LRP2: variants seen among roughly 807,000 people sequenced by gnomAD.
LRP2 encodes LDL receptor related protein 2.
In LRP2, 172 loss-of-function variants were observed where a neutral mutation model predicts 531.0. The observed-to-expected ratio is 0.32, with a 90% CI of 0.29 to 0.37. The LOEUF (loss-of-function observed/expected upper bound fraction) is 0.37, where lower values mean the gene tolerates loss of function less well. LRP2 is among the 10% of genes least tolerant of loss of function. The pLI, the probability that LRP2 is intolerant of heterozygous loss-of-function variation, is 1.00. For missense variants in LRP2, 5,167 were observed against 5,868.3 expected (o/e 0.88, Z 3.90); for synonymous variants, 1,992 against 2,027.6 (o/e 0.98, Z 0.47).
chr2:169,241,462 G>T, intron 24 of LRP2, 97 bp from the exon 25 acceptor site: 1 of 1,337,434 alleles, frequency 7.5e-7, no homozygotes, highest in Non-Finnish European at 1.1e-6. Flanking sequence ...TCCAATAGTA[G>T]GTTTATAGTA....
chr2:169,151,840 T>C (rs891963727), intron 67 of LRP2, among the ~76,000 whole-genome samples: 1 of 152,214 alleles, frequency 6.6e-6, no homozygotes, highest in Non-Finnish European at 1.5e-5. Flanking sequence ...GTTTCTTGAC[T>C]GAAAATGCTA....
chr2:169,279,282 G>A, intron 12 of LRP2, 90 bp downstream of exon 12: 1 of 947,062 alleles, frequency 1.1e-6, no homozygotes, highest in Middle Eastern at 2.1e-4. Flanking sequence ...ATCAGAATGA[G>A]CCTTTGATTA....
intron 8 of LRP2, among the ~76,000 whole-genome samples, chr2:169,289,570 A>G (rs967826507): frequency 6.6e-6 from 1 of 151,830 alleles, no homozygotes; most frequent in African/African-American, 2.4e-5. Flanking sequence ...TGGAAACAAA[A>G]GAAAAGAAAA....
At chr2:169,222,796 C>T (rs780550482) in intron 33 of LRP2, among the ~76,000 whole-genome samples, 74 of 152,320 alleles carry the variant, frequency 4.9e-4, no homozygotes, top group Non-Finnish European at 8.1e-4. Flanking sequence ...CACATATTCT[C>T]AGGCCACTGC....
intron 33 of LRP2, among the ~76,000 whole-genome samples, chr2:169,220,801 C>A (rs184383538): frequency 1.4e-4 from 21 of 152,214 alleles, no homozygotes; most frequent in Admixed American, 1.4e-3. Flanking sequence ...TTCCAACTCA[C>A]CTAAAATTTC....
At chr2:169,262,264 G>A (rs1179062614) in intron 16 of LRP2, among the ~76,000 whole-genome samples, 3 of 142,226 alleles carry the variant, frequency 2.1e-5, no homozygotes, top group South Asian at 5.0e-4. Context: ...GCAGGAGAAG[G>A]AAATAAAGGG....
intron 4 of LRP2, among the ~76,000 whole-genome samples, chr2:169,304,990 C>T (rs830970): frequency 0.2 from 31,033 of 152,058 alleles, 3,290 homozygotes; most frequent in African/African-American, 0.24. Flanking sequence ...CACATGTTCT[C>T]ACTCATAAGT....
intron 3 of LRP2, among the ~76,000 whole-genome samples, chr2:169,310,724 T>A (rs1023870351): frequency 2.6e-5 from 4 of 152,224 alleles, no homozygotes; most frequent in Non-Finnish European, 4.4e-5. Context: ...ATAAAATGAA[T>A]TAGGGAGGAT....
At position 169,175,236 on chromosome 2, in the gene LRP2, G is replaced by A. The variant is rs768383601; in HGVS notation, c.10725C>T (p.His3575=). 2.5e-6 allele frequency: 4 copies of A among 1,614,168 alleles called. No homozygotes were observed. Among genetic ancestry groups the A allele is most frequent in the South Asian group, 2.2e-5 (2 of 91,080 alleles). Residue 3575 remains histidine (H), a synonymous_variant, in exon 55 of 79, where the codon CAC becomes CAT. Coordinates refer to ENST00000649046, the MANE Select transcript of LRP2 (RefSeq NM_004525.3). ...CATCAGACCCATCAGGGCAATTTTG[G>A]TGAGCATTGCATAAAGTCTGCGGGC... ...CTSPQTLCNA[H]QNCPDGSDED...
At position 169,212,177 on chromosome 2, in the gene LRP2, T is replaced by C; in HGVS notation, c.6071A>G (p.Asn2024Ser). The change falls in exon 37 of 79, where the codon AAC becomes AGC. Residue 2024 changes from asparagine to serine, a missense_variant. Coordinates refer to ENST00000649046, the MANE Select transcript of LRP2 (RefSeq NM_004525.3). Reference sequence around the variant, plus strand: ...AATCTGCTGACAGGCATTCATGTTGTTGCTACAGCCATTTGAGGATTCGGC... The same window carrying C: ...AATCTGCTGACAGGCATTCATGTTGCTGCTACAGCCATTTGAGGATTCGGC... ...NAAESSNGCS[N>S]NMNACQQICL... 1 of 1,614,076 alleles carries C rather than the reference T, an allele frequency of 6.2e-7. No homozygotes were observed. Among genetic ancestry groups the C allele is most frequent in the South Asian group, 1.1e-5 (1 of 91,080 alleles).
chr2:169,168,017 A>AT (rs1296006869), intron 61 of LRP2, among the ~76,000 whole-genome samples: 11 of 89,620 alleles, frequency 1.2e-4, no homozygotes, highest in African/African-American at 4.2e-4. Context: ...GCAGGGTTTA[A>AT]AATATATATA....
chr2:169,247,472 T>A lies in LRP2; in HGVS notation c.2814A>T (p.Arg938=). The A allele has an allele frequency of 6.2e-7, 1 of 1,614,192 alleles. No homozygotes were observed. The highest frequency in any genetic ancestry group is 8.5e-7 in the Non-Finnish European group (1 of 1,180,032). The part of the protein sequence containing the change: ...FTDWRLGAII[R]VRKADGGEMT... ...TTTCTCCACCATCTGCTTTCCTGAC[T>A]CGAATAATGGCACCCAGTCTCCAGT... is the stretch of plus-strand genomic sequence containing the variant. The change falls in exon 20 of 79, where the codon CGA becomes CGT. Residue 938 remains arginine (R), a synonymous_variant. Transcript: ENST00000649046.
At chr2:169,265,204 C>T (rs920081150) in intron 16 of LRP2, among the ~76,000 whole-genome samples, 1 of 151,990 alleles carries the variant, frequency 6.6e-6, no homozygotes, top group Non-Finnish European at 1.5e-5. Flanking sequence ...ACCATCTCCC[C>T]ACATCTTCCC....
chr2:169,244,826 G>C lies in LRP2; in HGVS notation c.3297C>G (p.His1099Gln). Residue 1099 changes from histidine to glutamine, a missense_variant, in exon 22 of 79, where the codon CAC (histidine) becomes CAG (glutamine). Around this residue, in one of 6 missense-constraint regions of LRP2, gnomAD observed 2,811 missense variants for 3,058.0 expected, o/e 0.92. Transcript: ENST00000649046. Reference sequence around the variant, plus strand: ...AAGCAGGTGCGTGGGTGGGGCAGTTGTGCTCATCACTGCCATCCACACAGT... The same window carrying C: ...AAGCAGGTGCGTGGGTGGGGCAGTTCTGCTCATCACTGCCATCCACACAGT... ...RNDCVDGSDE[H>Q]NCPTHAPASC... 6.2e-7 allele frequency: 1 copy of C among 1,614,242 alleles called. No individual in the cohort carries two copies. The highest frequency in any genetic ancestry group is 8.5e-7 in the Non-Finnish European group (1 of 1,180,040).
chr2:169,270,904 C>A lies in LRP2; in HGVS notation c.2320G>T (p.Gly774Ter), dbSNP rs1683395692. ...MIFKQKIDGT[G>*]REILAANRVE... ...ACACACACACACAAACCTTTCTCAC[C>A]TGTGCCATCAATCTTTTGCTTAAAA... The change falls in exon 16 of 79, where the codon GGA (glycine) becomes TGA (stop). Residue 774 changes from glycine to a stop codon, truncating the protein, a stop_gained and splice_region_variant. Transcript: ENST00000649046. LOFTEE classifies it high-confidence loss of function. 1 of 1,612,058 alleles carries A rather than the reference C, an allele frequency of 6.2e-7. No homozygotes were observed. The highest frequency in any genetic ancestry group is 2.2e-5 in the East Asian group (1 of 44,800).
chr2:169,150,938 G>T lies in LRP2; in HGVS notation c.12550C>A (p.Leu4184Met), dbSNP rs1482432259. 6.2e-7 allele frequency: 1 copy of T among 1,613,946 alleles called. No individual in the cohort carries two copies. The highest frequency in any genetic ancestry group is 8.5e-7 in the Non-Finnish European group (1 of 1,179,976). ...ACAGCAATAGCAGCTGGTTGGTCCA[G>T]GTCAGTGGAAATCAGCCACTTTCTG... ...RYRKWLISTD[L>M]DQPAAIAVNP... The change falls in exon 68 of 79, where the codon CTG (leucine) becomes ATG (methionine). Residue 4184 changes from leucine to methionine, a missense_variant. Transcript: ENST00000649046.
intron 19 of LRP2, among the ~76,000 whole-genome samples, chr2:169,248,513 T>C (rs1449669222): frequency 1.3e-5 from 2 of 152,254 alleles, no homozygotes; most frequent in South Asian, 2.1e-4. Context: ...TAGTTCTGTG[T>C]GGTGCACAAT....
chr2:169,157,553 T>C (rs1250094622), intron 63 of LRP2, 51 bp from the exon 64 acceptor site: 8 of 1,603,850 alleles, frequency 5.0e-6, no homozygotes, highest in Non-Finnish European at 6.0e-6. Flanking sequence ...CAAATAACAG[T>C]CAAGTGGTGT....
Position 169,134,792 on chromosome 2 carries a change from G to A in LRP2, c.13621-2111C>T, listed in dbSNP as rs570992607. 9.2e-5 allele frequency among the ~76,000 whole-genome samples: 14 copies of A among 152,210 alleles called. No individual in the cohort carries two copies. In the East Asian group the frequency reaches 1.9e-3, roughly 21 times the overall value. ...CACAAGGGTCCTCTATCATTAATGC[G>A]TCTTTAATAAAAACGCTTCTCAAAG... On this transcript the variant is annotated intron_variant, in intron 76 of 78. Transcript: ENST00000649046.
Sources: allele counts gnomAD v4.1 joint callset (sites outside exome capture counted in the v4.1 genomes callset), GRCh38; gene constraint gnomAD v4.1.1; regional missense constraint gnomAD v4.1.1; transcripts MANE v1.5; gene names NCBI Gene and HGNC (gene_info 2026-07-23, HGNC 2026-07-21).